Variants in ADAM23 observed in about 807,000 individuals in gnomAD.
The protein encoded by ADAM23 is ADAM metallopeptidase domain 23.
ADAM23 carries 33 observed loss-of-function variants against 120.1 expected under a neutral mutation model. The observed-to-expected ratio is 0.27, with a 90% CI of 0.21 to 0.37. The LOEUF (loss-of-function observed/expected upper bound fraction) is 0.37. Among genes scored for constraint, ADAM23 ranks in the 10% least tolerant of loss-of-function variants. The pLI is 1.00. For synonymous variants in ADAM23, 367 were observed against 375.2 expected (o/e 0.98, Z 0.25); for missense variants, 862 against 1,058.2 (o/e 0.81, Z 2.57).
rs1400508142 is a variant in ADAM23, at chr2:206,525,829, A to T, written c.510-5056A>T. On this transcript the variant is annotated intron_variant, in intron 3 of 25. Transcript: ENST00000264377. The stretch of plus-strand genomic sequence containing the variant: ...CTGGTCTCAAACTCCTGACCCTGTG[A>T]TCCGCCTGCCTCAGTCTCCCAAAAT... Among the ~76,000 whole-genome samples the T allele has an allele frequency of 3.9e-5, 6 of 152,158 alleles. No individual in the cohort carries two copies. In the East Asian group the frequency reaches 9.7e-4, roughly 25 times the overall value.
chr2:206,527,129 T>C (rs572081744), intron 3 of ADAM23, among the ~76,000 whole-genome samples: 83 of 152,366 alleles, frequency 5.4e-4, no homozygotes, highest in Admixed American at 1.4e-3. Context: ...ATGTTTATTT[T>C]AGAATTTAGG....
At chr2:206,452,108 C>T (rs1408475451) in intron 2 of ADAM23, among the ~76,000 whole-genome samples, 1 of 152,196 alleles carries the variant, frequency 6.6e-6, no homozygotes, top group Admixed American at 6.5e-5. Flanking sequence ...AGGGAGTAAC[C>T]CACCTACAGG....
At chr2:206,597,178 CTT>C (rs1173847537) in intron 24 of ADAM23, among the ~76,000 whole-genome samples, 3 of 126,110 alleles carry the variant, frequency 2.4e-5, no homozygotes, top group African/African-American at 3.0e-5. Flanking sequence ...CTTACATCAT[CTT>C]TTTTTTTTTT....
chr2:206,496,903 A>G (rs1034627806), intron 3 of ADAM23, among the ~76,000 whole-genome samples: 1 of 152,244 alleles, frequency 6.6e-6, no homozygotes, highest in Non-Finnish European at 1.5e-5. Flanking sequence ...AAAATCTAGA[A>G]GAAATGGATA....
At chr2:206,491,135 A>G (rs559249947) in intron 3 of ADAM23, among the ~76,000 whole-genome samples, 1 of 152,204 alleles carries the variant, frequency 6.6e-6, no homozygotes, top group South Asian at 2.1e-4. Flanking sequence ...GTGAAATTCA[A>G]TGGATGTTTG....
intron 3 of ADAM23, among the ~76,000 whole-genome samples, chr2:206,500,491 C>G (rs1462812169): frequency 6.6e-6 from 1 of 152,152 alleles, no homozygotes; most frequent in Non-Finnish European, 1.5e-5. Context: ...AGATTTATCT[C>G]TATCTCAGCG....
intron 3 of ADAM23, among the ~76,000 whole-genome samples, chr2:206,507,454 C>T (rs773709452): frequency 9.9e-5 from 15 of 152,228 alleles, no homozygotes; most frequent in South Asian, 2.1e-4. Context: ...TGTGAAATGC[C>T]GGCCTCCCAC....
intron 24 of ADAM23, chr2:206,607,337 A>G (rs1698747696): frequency 6.6e-6 from 1 of 152,298 alleles, no homozygotes; most frequent in Non-Finnish European, 1.5e-5. Flanking sequence ...TGTATACAGA[A>G]GAAACATTCC....
chr2:206,539,265 G>T (rs1158969359), intron 4 of ADAM23, among the ~76,000 whole-genome samples: 2 of 152,090 alleles, frequency 1.3e-5, no homozygotes, highest in African/African-American at 4.8e-5. Context: ...CATTTCTGTT[G>T]AATTTAATTA....
At chr2:206,445,161 T>C (rs1393295920) in intron 1 of ADAM23, 146 bp from the exon 2 acceptor site, 4 of 643,136 alleles carry the variant, frequency 6.2e-6, no homozygotes, top group African/African-American at 5.5e-5. Context: ...ACTCTAGCTC[T>C]ACTTCTTAAC....
intron 3 of ADAM23, among the ~76,000 whole-genome samples, chr2:206,501,616 A>AAGGCATGAAAAAT (rs140664403): frequency 0.044 from 6,681 of 152,140 alleles, 501 homozygotes; most frequent in African/African-American, 0.15. Context: ...ACTATATTTT[A>AAGGCATGAAAAAT]AGCACATAAG....
In ADAM23 at chr2:206,592,773, G is replaced by A. The variant is rs576342133; in HGVS notation, c.2078+37G>A. The A allele has an allele frequency of 1.9e-5, 30 of 1,570,670 alleles. No homozygotes were observed. In the South Asian group the frequency reaches 3.5e-4, roughly 18 times the overall value. ...AATATTAGAAGACCTAATAAGCCAT[G>A]AGAATTACAAATTTCACAAAATGAA... is the stretch of plus-strand genomic sequence containing the variant. On this transcript the variant is annotated intron_variant, in intron 22 of 25. Transcript: ENST00000264377.
chr2:206,531,007 C>A (rs1033654447), intron 4 of ADAM23, 59 bp downstream of exon 4: 2 of 1,432,024 alleles, frequency 1.4e-6, no homozygotes, highest in African/African-American at 2.8e-5. Flanking sequence ...TAGAGTTGAT[C>A]AGTGCACACT....
chr2:206,496,266 G>A (rs1696245144), intron 3 of ADAM23, among the ~76,000 whole-genome samples: 1 of 152,080 alleles, frequency 6.6e-6, no homozygotes, highest in South Asian at 2.1e-4. Flanking sequence ...ACACTCCTCA[G>A]CAAATATAAA....
intron 18 of ADAM23, among the ~76,000 whole-genome samples, chr2:206,582,819 T>C (rs1384334389): frequency 6.6e-6 from 1 of 152,222 alleles, no homozygotes; most frequent in Non-Finnish European, 1.5e-5. Flanking sequence ...TATATGATGC[T>C]TACTTTGGCT....
At chr2:206,478,869 AGTT>A (rs573704157) in intron 2 of ADAM23, among the ~76,000 whole-genome samples, 83 of 151,460 alleles carry the variant, frequency 5.5e-4, no homozygotes, top group Non-Finnish European at 9.4e-4. Flanking sequence ...TCATCTTTTG[AGTT>A]GTTGTTCAAA....
intron 3 of ADAM23, among the ~76,000 whole-genome samples, chr2:206,517,646 A>T (rs1696762724): frequency 6.6e-6 from 1 of 152,048 alleles, no homozygotes; most frequent in Admixed American, 6.6e-5. Flanking sequence ...ACTCTGCTAG[A>T]CCACAAGCTT....
intron 3 of ADAM23, among the ~76,000 whole-genome samples, chr2:206,487,266 A>T (rs892233938): frequency 2.6e-5 from 4 of 152,206 alleles, no homozygotes; most frequent in African/African-American, 9.6e-5. Context: ...TGGTGAGAGC[A>T]GCTCAGGTCA....
chr2:206,512,834 C>T (rs1034668798), intron 3 of ADAM23, among the ~76,000 whole-genome samples: 3 of 152,138 alleles, frequency 2.0e-5, no homozygotes, highest in South Asian at 2.1e-4. Flanking sequence ...TTTCCAACAG[C>T]GCATGCTCAC....
Sources: allele counts gnomAD v4.1 joint callset (sites outside exome capture counted in the v4.1 genomes callset), GRCh38; gene constraint gnomAD v4.1.1; transcripts MANE v1.5; gene names NCBI Gene and HGNC (gene_info 2026-07-23, HGNC 2026-07-21).